Variants in GALNT13 observed in about 807,000 individuals in gnomAD.
The protein encoded by GALNT13 is polypeptide N-acetylgalactosaminyltransferase 13.
GALNT13 carries 28 observed loss-of-function variants against 64.2 expected under a neutral mutation model. The ratio of observed to expected loss-of-function variants is 0.44; its 90% confidence interval spans 0.32 to 0.60. The LOEUF (loss-of-function observed/expected upper bound fraction) is 0.60. Ranked by LOEUF, GALNT13 falls within the 20% of genes least tolerant of loss-of-function variation. GALNT13 has a pLI of 0.05. For synonymous variants in GALNT13, 214 were observed against 224.6 expected (o/e 0.95, Z 0.42); for missense variants, 577 against 669.8 (o/e 0.86, Z 1.53).
At chr2:153,432,774 T>C in the GALNT13 span, among the ~76,000 whole-genome samples, 6 of 152,134 alleles carry the variant, frequency 3.9e-5, no homozygotes, top group African/African-American at 1.2e-4. Context: ...TTTAGTTGTT[T>C]TATTGAAGAT....
the GALNT13 span, among the ~76,000 whole-genome samples, chr2:153,565,765 C>T: frequency 2.6e-5 from 4 of 152,010 alleles, no homozygotes; most frequent in African/African-American, 9.7e-5. Flanking sequence ...AATATATACC[C>T]AAGTATGCAC....
At chr2:153,108,405 C>T in the GALNT13 span, among the ~76,000 whole-genome samples, 1 of 151,892 alleles carries the variant, frequency 6.6e-6, no homozygotes, top group Non-Finnish European at 1.5e-5. Context: ...TATTTTTTAA[C>T]TCTTTATCTG....
At chr2:154,220,195 T>G (rs1301791464) in intron 4 of GALNT13, among the ~76,000 whole-genome samples, 2 of 152,070 alleles carry the variant, frequency 1.3e-5, no homozygotes, top group Admixed American at 1.3e-4. Flanking sequence ...TGACGCAATT[T>G]CCCTCATGAG....
At chr2:153,902,604 G>C (rs962629349) in intron 2 of GALNT13, among the ~76,000 whole-genome samples, 1 of 152,018 alleles carries the variant, frequency 6.6e-6, no homozygotes, top group Non-Finnish European at 1.5e-5. Flanking sequence ...ATTTGTAGAG[G>C]GATAAGAATG....
the GALNT13 span, among the ~76,000 whole-genome samples, chr2:153,640,256 C>T: frequency 6.6e-6 from 1 of 152,112 alleles, no homozygotes; most frequent in Admixed American, 6.6e-5. Flanking sequence ...CCAAAGGAAA[C>T]CTGTTGTCAG....
At chr2:154,212,321 T>G (rs1465336661) in intron 4 of GALNT13, among the ~76,000 whole-genome samples, 1 of 152,028 alleles carries the variant, frequency 6.6e-6, no homozygotes, top group Non-Finnish European at 1.5e-5. Context: ...CTCGGCTCAC[T>G]TCAACCTCTG....
chr2:154,091,562 G>C (rs1701811196), intron 3 of GALNT13, among the ~76,000 whole-genome samples: 1 of 151,702 alleles, frequency 6.6e-6, no homozygotes, highest in Non-Finnish European at 1.5e-5. Context: ...CATACTTTCT[G>C]AATATATTTC....
chr2:153,130,430 A>T, the GALNT13 span, among the ~76,000 whole-genome samples: 1 of 152,148 alleles, frequency 6.6e-6, no homozygotes, highest in Non-Finnish European at 1.5e-5. Flanking sequence ...CAGAAACATC[A>T]ACTTCTTTGG....
the GALNT13 span, among the ~76,000 whole-genome samples, chr2:153,396,890 C>G: frequency 6.6e-6 from 1 of 152,106 alleles, no homozygotes; most frequent in Non-Finnish European, 1.5e-5. Context: ...GCTTCACATT[C>G]AGGCAGCCAG....
intron 12 of GALNT13, chr2:154,445,836 C>T (rs1391670492): frequency 7.0e-6 from 9 of 1,288,334 alleles, no homozygotes; most frequent in African/African-American, 1.5e-5. Context: ...AGGCACGGAG[C>T]TTCAAGATGT....
the GALNT13 span, among the ~76,000 whole-genome samples, chr2:153,774,845 G>A: frequency 6.6e-5 from 10 of 152,156 alleles, no homozygotes; most frequent in Admixed American, 2.6e-4. Flanking sequence ...AGGAGGTCAA[G>A]GCTGCAGTGA....
intron 3 of GALNT13, among the ~76,000 whole-genome samples, chr2:154,034,551 A>C (rs963050699): frequency 9.2e-5 from 13 of 140,874 alleles, no homozygotes; most frequent in African/African-American, 3.3e-4. Flanking sequence ...TGTACGTCGT[A>C]CTCATTAAAT....
At chr2:154,310,916 C>A (rs1276982117) in intron 9 of GALNT13, among the ~76,000 whole-genome samples, 1 of 93,992 alleles carries the variant, frequency 1.1e-5, no homozygotes, top group Non-Finnish European at 2.1e-5. Flanking sequence ...TGGCAAGTAT[C>A]AAACAATTAG....
Position 154,236,060 on chromosome 2 carries a change from G to A in GALNT13, c.312-5970G>A, listed in dbSNP as rs543290601. 809 of 1,246,498 alleles carry A rather than the reference G, an allele frequency of 6.5e-4. 2 individuals carry two copies. The highest frequency in any genetic ancestry group is 2.3e-3 in the Middle Eastern group (10 of 4,356). The allele number at this position is 1,246,498 out of a possible 1,614,324, so 77.2% of individuals were successfully genotyped here. A position where few individuals can be genotyped will look rare whatever the true frequency, so the allele number is the denominator to read the frequency against. ...TAAATCAACAGCTAATAGACCATGA[G>A]AACAGCATTAGTGTACATCCAGATG... On this transcript the variant is annotated intron_variant, in intron 4 of 12. Coordinates refer to ENST00000392825, the MANE Select transcript of GALNT13 (RefSeq NM_052917.4).
At chr2:154,217,868 GC>G (rs771146653) in intron 4 of GALNT13, among the ~76,000 whole-genome samples, 110 of 152,206 alleles carry the variant, frequency 7.2e-4, no homozygotes, top group Non-Finnish European at 1.1e-3. Context: ...GAATTTATAT[GC>G]ACTTAATCAC....
intron 2 of GALNT13, among the ~76,000 whole-genome samples, chr2:153,917,715 G>C (rs1342368784): frequency 1.3e-5 from 2 of 152,254 alleles, no homozygotes; most frequent in African/African-American, 4.8e-5. Flanking sequence ...CTACCACACA[G>C]GCTGGTGAGT....
chr2:153,907,724 G>C (rs1688673572), intron 2 of GALNT13, among the ~76,000 whole-genome samples: 1 of 151,938 alleles, frequency 6.6e-6, no homozygotes, highest in African/African-American at 2.4e-5. Flanking sequence ...TTACTGCAAA[G>C]GATATGATCT....
chr2:153,694,683 A>C, the GALNT13 span, among the ~76,000 whole-genome samples: 28 of 152,186 alleles, frequency 1.8e-4, no homozygotes, highest in Non-Finnish European at 3.8e-4. Flanking sequence ...AGAGTTGCAC[A>C]TATTTGGTAG....
chr2:153,683,617 A>G, the GALNT13 span, among the ~76,000 whole-genome samples: 1 of 151,690 alleles, frequency 6.6e-6, no homozygotes, highest in Non-Finnish European at 1.5e-5. Context: ...ATTGGAAGAA[A>G]TGAGTAGATG....
Sources: allele counts gnomAD v4.1 joint callset (sites outside exome capture counted in the v4.1 genomes callset), GRCh38; gene constraint gnomAD v4.1.1; transcripts MANE v1.5; gene names NCBI Gene and HGNC (gene_info 2026-07-23, HGNC 2026-07-21).